The following KANK1 variants were observed in gnomAD, a reference collection of about 807,000 sequenced individuals.
The protein encoded by KANK1 is KN motif and ankyrin repeat domain-containing protein 1.
Under a neutral mutation model 106.2 loss-of-function variants are expected in KANK1, and 109 were observed. The observed-to-expected ratio is 1.03, with a 90% CI of 0.88 to 1.20. The LOEUF (loss-of-function observed/expected upper bound fraction) is 1.20, where lower values mean the gene tolerates loss of function less well. Ranked by LOEUF, KANK1 falls within the 50% of genes most tolerant of loss-of-function variation. The probability of loss-of-function intolerance (pLI) is 0.00; values close to 1 mark genes in which losing one functional copy is unlikely to be tolerated. For synonymous variants in KANK1, 873 were observed against 652.2 expected, an observed-to-expected ratio of 1.34 and a Z score of -5.16; for missense variants, 2,399 against 1,710.7, an observed-to-expected ratio of 1.40 and a Z score of -7.10.
intron 1 of KANK1, among the ~76,000 whole-genome samples, chr9:658,352 C>A (rs1210859961): frequency 6.6e-6 from 1 of 152,144 alleles, no homozygotes; most frequent in African/African-American, 2.4e-5. Context: ...AAGCAAATCT[C>A]ATAACCTAGC....
At chr9:566,551 C>G (rs540241876) in intron 1 of KANK1, among the ~76,000 whole-genome samples, 105 of 152,312 alleles carry the variant, frequency 6.9e-4, no homozygotes, top group African/African-American at 2.5e-3. Context: ...AATAGCCATT[C>G]TGACAGGTGC....
At chr9:532,857 C>T (rs1387472654) in intron 1 of KANK1, among the ~76,000 whole-genome samples, 1 of 152,108 alleles carries the variant, frequency 6.6e-6, no homozygotes, top group Non-Finnish European at 1.5e-5. Flanking sequence ...TTTCTTATCT[C>T]TTGGCAAGAA....
At chr9:738,682 A>C (rs2132083685) in intron 8 of KANK1, among the ~76,000 whole-genome samples, 178 bp downstream of exon 8, 1 of 152,338 alleles carries the variant, frequency 6.6e-6, no homozygotes, top group East Asian at 1.9e-4. Context: ...TTGAAGTTTA[A>C]ACAAAACTGG....
chr9:502,587 G>A (rs568004404), upstream of KANK1, among the ~76,000 whole-genome samples: 3 of 151,296 alleles, frequency 2.0e-5, no homozygotes, highest in East Asian at 5.8e-4. Context: ...GCAGTGGCAT[G>A]ATCTCGGCTC....
chr9:474,832 C>A (rs1365789798), intron 3 of KANK1, among the ~76,000 whole-genome samples: 4 of 152,176 alleles, frequency 2.6e-5, no homozygotes, highest in African/African-American at 4.8e-5. Context: ...TCTAGACTTT[C>A]CCTGAGGACA....
At chr9:586,207 G>A (rs1233475524) in intron 1 of KANK1, among the ~76,000 whole-genome samples, 2 of 152,206 alleles carry the variant, frequency 1.3e-5, no homozygotes, top group Admixed American at 1.3e-4. Flanking sequence ...GCTGGACCAG[G>A]ATTCATGCCC....
At chr9:697,632 T>A (rs924774031) in intron 2 of KANK1, among the ~76,000 whole-genome samples, 1 of 152,138 alleles carries the variant, frequency 6.6e-6, no homozygotes, top group Non-Finnish European at 1.5e-5. Flanking sequence ...GGTGATTTTC[T>A]GTTGACATAA....
chr9:704,003 T>C (rs542265153), intron 2 of KANK1, among the ~76,000 whole-genome samples: 12 of 152,338 alleles, frequency 7.9e-5, no homozygotes, highest in Admixed American at 7.8e-4. Flanking sequence ...CGTGAGCCAC[T>C]GTGCCCGGCC....
At chr9:598,620 CTTTTTTTTTTTTTTTTTT>C (rs3028166) in intron 1 of KANK1, among the ~76,000 whole-genome samples, 3 of 46,680 alleles carry the variant, frequency 6.4e-5, no homozygotes, top group African/African-American at 1.4e-4. Flanking sequence ...TGTTGGTTTT[CTTTTTTTTTTTTTTTTTT>C]TTTTTTTTTT....
chr9:576,541 G>C (rs1820610830), intron 1 of KANK1, among the ~76,000 whole-genome samples: 1 of 152,166 alleles, frequency 6.6e-6, no homozygotes, highest in Admixed American at 6.5e-5. Context: ...TCATTTTCTA[G>C]TTGTAATCTC....
At chr9:662,665 A>ATTTTTTT (rs34481151) in intron 1 of KANK1, among the ~76,000 whole-genome samples, 6,059 of 141,658 alleles carry the variant, frequency 0.043, 492 homozygotes, top group African/African-American at 0.15. Context: ...ACAAAAGTTA[A>ATTTTTTT]TTTTTTTTTT....
chr9:500,776 C>T (rs1355866823), upstream of KANK1, among the ~76,000 whole-genome samples: 3 of 152,178 alleles, frequency 2.0e-5, no homozygotes, highest in African/African-American at 7.2e-5. Context: ...GAAGTTTTTC[C>T]ATACCCTGAT....
At chr9:675,962 C>T (rs1816334619) in intron 1 of KANK1, among the ~76,000 whole-genome samples, 2 of 152,178 alleles carry the variant, frequency 1.3e-5, no homozygotes, top group South Asian at 2.1e-4. Flanking sequence ...AACTTCCTGA[C>T]ATTGCCATGG....
At chr9:594,863 A>G (rs916348197) in intron 1 of KANK1, among the ~76,000 whole-genome samples, 1 of 151,910 alleles carries the variant, frequency 6.6e-6, no homozygotes, top group Admixed American at 6.6e-5. Flanking sequence ...CCTTTAATGT[A>G]TAAAACAAAT....
chr9:726,000 G>T (rs185370007), intron 3 of KANK1, among the ~76,000 whole-genome samples: 85 of 152,316 alleles, frequency 5.6e-4, no homozygotes, highest in African/African-American at 1.9e-3. Context: ...ATAGTAGCCT[G>T]TGACTCTTTA....
chr9:500,713 G>A (rs991461412), upstream of KANK1, among the ~76,000 whole-genome samples: 1 of 152,218 alleles, frequency 6.6e-6, no homozygotes, highest in Non-Finnish European at 1.5e-5. Context: ...GACCTAAACT[G>A]AAAGCCAGAA....
chr9:732,207 A>T (rs1293041928), intron 5 of KANK1, 171 bp from the exon 6 acceptor site: 6 of 693,500 alleles, frequency 8.7e-6, no homozygotes, highest in Non-Finnish European at 1.4e-5. Flanking sequence ...GTTAGAGTCC[A>T]TTCAAAACCA....
chr9:570,693 C>G (rs915432689), intron 1 of KANK1, among the ~76,000 whole-genome samples: 5 of 152,240 alleles, frequency 3.3e-5, no homozygotes, highest in Non-Finnish European at 7.4e-5. Flanking sequence ...CTATACCAAG[C>G]CTTTGAAAAT....
intron 1 of KANK1, among the ~76,000 whole-genome samples, chr9:651,494 G>C (rs1170676527): frequency 6.6e-6 from 1 of 152,168 alleles, no homozygotes. Flanking sequence ...CATGTGTTGG[G>C]TGTATGTGTA....
Sources: allele counts gnomAD v4.1 joint callset (sites outside exome capture counted in the v4.1 genomes callset), GRCh38; gene constraint gnomAD v4.1.1; transcripts MANE v1.5; gene names NCBI Gene and HGNC (gene_info 2026-07-23, HGNC 2026-07-21).